Variants in SPIDR observed in about 807,000 individuals in gnomAD.
The protein encoded by SPIDR is DNA repair-scaffolding protein.
Under a neutral mutation model 104.6 loss-of-function variants are expected in SPIDR, and 93 were observed. The observed-to-expected ratio is 0.89, with a 90% CI of 0.75 to 1.06. The LOEUF (loss-of-function observed/expected upper bound fraction) is 1.06. Ranked by LOEUF, SPIDR falls within the 50% of genes least tolerant of loss-of-function variation. The probability of loss-of-function intolerance (pLI) is 0.00; values close to 1 mark genes in which losing one functional copy is unlikely to be tolerated. For missense variants in SPIDR, 1,154 were observed against 1,111.2 expected (o/e 1.04, Z -0.55); for synonymous variants, 431 against 416.9 (o/e 1.03, Z -0.41).
At chr8:47,356,550 G>C (rs562026771) in intron 5 of SPIDR, among the ~76,000 whole-genome samples, 82 of 152,236 alleles carry the variant, frequency 5.4e-4, no homozygotes, top group African/African-American at 1.8e-3. Context: ...CACATGGCTT[G>C]GTCATTTGAA....
At chr8:47,673,693 C>G (rs906518566) in intron 10 of SPIDR, 108 bp from the exon 11 acceptor site, 2 of 1,356,696 alleles carry the variant, frequency 1.5e-6, no homozygotes, top group Admixed American at 4.2e-5. Context: ...ATTATATTGA[C>G]CAGTCACAGC....
At chr8:47,493,756 T>A (rs1166213404) in intron 8 of SPIDR, among the ~76,000 whole-genome samples, 1 of 152,216 alleles carries the variant, frequency 6.6e-6, no homozygotes, top group African/African-American at 2.4e-5. Flanking sequence ...TACTTTTGCA[T>A]CCAGGAGTTG....
intron 11 of SPIDR, among the ~76,000 whole-genome samples, chr8:47,679,465 C>T (rs577797114): frequency 4.0e-5 from 6 of 150,936 alleles, no homozygotes; most frequent in Admixed American, 6.6e-5. Context: ...TGCCCCCATC[C>T]GCTCCTGTGC....
intron 8 of SPIDR, among the ~76,000 whole-genome samples, chr8:47,551,029 T>C (rs932908078): frequency 1.4e-4 from 22 of 152,212 alleles, no homozygotes; most frequent in Non-Finnish European, 2.6e-4. Context: ...GAGATAATCA[T>C]GTGGTTTTTG....
rs767778909 is a variant in SPIDR, at chr8:47,732,225, A to T, written c.2604+2760A>T. 9 of 702,426 alleles carry T rather than the reference A, an allele frequency of 1.3e-5. No individual in the cohort carries two copies. In the South Asian group the frequency reaches 1.3e-4, roughly 10 times the overall value. The allele number at this position is 702,426 out of a possible 1,614,324, so 43.5% of individuals were successfully genotyped here. ...GTTCCTCCTACACATTTAACTTGTC[A>T]ACTAGAATATTCCCATAGGTAAAAG... On this transcript the variant is annotated intron_variant, in intron 19 of 19. Coordinates refer to ENST00000297423, the MANE Select transcript of SPIDR (RefSeq NM_001080394.4).
intron 5 of SPIDR, among the ~76,000 whole-genome samples, chr8:47,296,035 GTGA>G (rs1179451095): frequency 2.6e-5 from 4 of 152,256 alleles, no homozygotes; most frequent in Non-Finnish European, 5.9e-5. Flanking sequence ...CTGGTGAGTG[GTGA>G]TGATGAGCAT....
chr8:47,498,840 C>T (rs1033561472), intron 8 of SPIDR, among the ~76,000 whole-genome samples: 7 of 152,148 alleles, frequency 4.6e-5, no homozygotes, highest in Non-Finnish European at 1.5e-5. Flanking sequence ...TGAGTAATTG[C>T]CGTGCCCTTA....
chr8:47,365,305 C>T (rs549937742), intron 5 of SPIDR, among the ~76,000 whole-genome samples: 4 of 152,142 alleles, frequency 2.6e-5, no homozygotes, highest in Non-Finnish European at 4.4e-5. Flanking sequence ...CTTTCCCTAT[C>T]GGCAAACATC....
At chr8:47,680,264 A>C (rs2076933477) in intron 11 of SPIDR, among the ~76,000 whole-genome samples, 2 of 152,258 alleles carry the variant, frequency 1.3e-5, no homozygotes, top group African/African-American at 4.8e-5. Context: ...TAGTCTTCAC[A>C]AAAGTCAATT....
At chr8:47,405,291 C>T (rs1000192705) in intron 6 of SPIDR, among the ~76,000 whole-genome samples, 59 of 145,006 alleles carry the variant, frequency 4.1e-4, no homozygotes, top group African/African-American at 1.5e-3. Flanking sequence ...CAACATGGCA[C>T]GTGTGTGTGT....
chr8:47,702,089 TCTCTCTCTTA>T (rs1181575067), intron 14 of SPIDR, 74 bp downstream of exon 14: 2,375 of 110,660 alleles, frequency 0.021, 122 homozygotes, highest in East Asian at 0.087. Context: ...TCTCTCTCTC[TCTCTCTCTTA>T]CACACACACA....
At chr8:47,713,049 C>T in intron 15 of SPIDR, 177 bp downstream of exon 15, 3 of 1,373,962 alleles carry the variant, frequency 2.2e-6, no homozygotes, top group Non-Finnish European at 1.9e-6. Flanking sequence ...GTAGCAGCCA[C>T]CTGGGCAGAA....
chr8:47,656,058 A>T (rs938487551), intron 10 of SPIDR, among the ~76,000 whole-genome samples: 2 of 152,188 alleles, frequency 1.3e-5, no homozygotes, highest in Non-Finnish European at 2.9e-5. Flanking sequence ...CATACACAAA[A>T]ATTACTGCAA....
At chr8:47,624,018 G>A (rs1588508834) in intron 10 of SPIDR, among the ~76,000 whole-genome samples, 1 of 152,274 alleles carries the variant, frequency 6.6e-6, no homozygotes, top group Middle Eastern at 3.4e-3. Flanking sequence ...TAAAAGAACA[G>A]AAATTATAAC....
chr8:47,468,805 C>T (rs1554719133), intron 8 of SPIDR, among the ~76,000 whole-genome samples: 2 of 152,068 alleles, frequency 1.3e-5, no homozygotes, highest in East Asian at 3.9e-4. Context: ...AAGACACCAG[C>T]AGCAATTGCA....
At chr8:47,571,937 A>G (rs1353368918) in intron 8 of SPIDR, among the ~76,000 whole-genome samples, 1 of 152,172 alleles carries the variant, frequency 6.6e-6, no homozygotes, top group Non-Finnish European at 1.5e-5. Flanking sequence ...ATGAGAGAAC[A>G]CTGTATTAAA....
intron 10 of SPIDR, among the ~76,000 whole-genome samples, chr8:47,610,325 C>G (rs532728796): frequency 6.6e-6 from 1 of 152,118 alleles, no homozygotes; most frequent in Non-Finnish European, 1.5e-5. Context: ...GCTGAGATGA[C>G]GGCACAGAGA....
chr8:47,440,958 T>C (rs1355067765), intron 8 of SPIDR, among the ~76,000 whole-genome samples: 1 of 152,226 alleles, frequency 6.6e-6, no homozygotes, highest in Non-Finnish European at 1.5e-5. Context: ...AGTGTTTGAA[T>C]TGCAGGAGCA....
Position 47,422,386 on chromosome 8 carries a change from G to T in SPIDR, c.877+14425G>T, listed in dbSNP as rs964770345. Reference sequence around the variant, plus strand: ...CTGTGCTAGCAATGAGCGAGGCTCTGTGGGCGTAGGACCCTCCGAGCCACG... The same window carrying T: ...CTGTGCTAGCAATGAGCGAGGCTCTTTGGGCGTAGGACCCTCCGAGCCACG... On this transcript the variant is annotated intron_variant, in intron 7 of 19. Transcript: ENST00000297423. Among the ~76,000 whole-genome samples, 4 of 152,226 alleles carry T rather than the reference G, an allele frequency of 2.6e-5. No individual in the cohort carries two copies. The South Asian group carries it at 6.2e-4, about 24-fold the overall frequency.
Sources: gnomAD v4.1 joint callset for allele counts (sites outside exome capture counted in the v4.1 genomes callset) on GRCh38, gnomAD v4.1.1 for gene constraint, MANE v1.5 for transcripts, NCBI Gene and HGNC (gene_info 2026-07-23, HGNC 2026-07-21) for gene names.